UNC5D: variants seen among roughly 807,000 people sequenced by gnomAD.
UNC5D encodes the protein unc-5 netrin receptor D, also known as netrin receptor UNC5D.
UNC5D carries 39 observed loss-of-function variants against 105.4 expected under a neutral mutation model. The ratio of observed to expected loss-of-function variants is 0.37; its 90% confidence interval spans 0.29 to 0.48. The LOEUF (loss-of-function observed/expected upper bound fraction) is 0.48, where lower values mean the gene tolerates loss of function less well. UNC5D is among the 20% of genes least tolerant of loss of function. The pLI is 0.98. For missense variants in UNC5D, 991 were observed against 1,202.4 expected, an observed-to-expected ratio of 0.82 and a Z score of 2.60; for synonymous variants, 452 against 450.4, an observed-to-expected ratio of 1.00 and a Z score of -0.04.
intron 6 of UNC5D, 151 bp from the exon 7 acceptor site, chr8:35,686,394 A>G (rs2131351539): frequency 1.2e-6 from 1 of 842,620 alleles, no homozygotes; most frequent in Non-Finnish European, 1.7e-6. Flanking sequence ...GAAAGAAACC[A>G]TGGAGAGAAG....
intron 16 of UNC5D, among the ~76,000 whole-genome samples, chr8:35,786,825 G>A (rs753467607): frequency 1.3e-5 from 2 of 152,116 alleles, no homozygotes; most frequent in African/African-American, 2.4e-5. Context: ...GCAGAGGAGC[G>A]AGGTCAGCAT....
chr8:35,377,921 C>T (rs1034552238), intron 1 of UNC5D, among the ~76,000 whole-genome samples: 1 of 152,110 alleles, frequency 6.6e-6, no homozygotes, highest in African/African-American at 2.4e-5. Flanking sequence ...GAAGCTCATC[C>T]TTCATTCTCT....
intron 4 of UNC5D, among the ~76,000 whole-genome samples, chr8:35,608,167 C>A (rs1197174619): frequency 6.6e-6 from 1 of 152,152 alleles, no homozygotes; most frequent in Non-Finnish European, 1.5e-5. Context: ...CTACCTCTGG[C>A]ATCATATCAC....
intron 10 of UNC5D, among the ~76,000 whole-genome samples, chr8:35,730,535 C>T (rs1242837366): frequency 6.6e-6 from 1 of 152,162 alleles, no homozygotes; most frequent in African/African-American, 2.4e-5. Context: ...CTTCCAGATG[C>T]ACTACTGGTA....
chr8:35,300,834 A>G (rs1427093138), intron 1 of UNC5D, among the ~76,000 whole-genome samples: 1 of 152,182 alleles, frequency 6.6e-6, no homozygotes, highest in Non-Finnish European at 1.5e-5. Context: ...TATTGAAAAA[A>G]TCAAGTTACA....
At chr8:35,687,138 CTT>C (rs1397351169) in intron 7 of UNC5D, among the ~76,000 whole-genome samples, 1 of 152,142 alleles carries the variant, frequency 6.6e-6, no homozygotes, top group African/African-American at 2.4e-5. Flanking sequence ...AGGAACATGT[CTT>C]ATTACTGTTA....
intron 4 of UNC5D, among the ~76,000 whole-genome samples, chr8:35,608,003 C>A (rs1345222000): frequency 6.6e-6 from 1 of 152,140 alleles, no homozygotes; most frequent in Non-Finnish European, 1.5e-5. Context: ...AGCCATTAGA[C>A]TATGGCTGAC....
Position 35,734,013 on chromosome 8 carries a change from C to A in UNC5D, c.1766+2917C>A, listed in dbSNP as rs533671471. Among the ~76,000 whole-genome samples, 213 of 151,998 alleles carry A rather than the reference C, an allele frequency of 1.4e-3. 1 individual carries two copies. The highest frequency in any genetic ancestry group is 9.1e-3 in the South Asian group (44 of 4,814). On this transcript the variant is annotated intron_variant, in intron 11 of 16. Coordinates refer to ENST00000404895, the MANE Select transcript of UNC5D (RefSeq NM_080872.4). ...TTTTTTTTTCCTCCTTTAAAGTCAC[C>A]CTGATGCCAGAACATTGCATTCAAC...
chr8:35,753,330 G>A (rs533015059), intron 13 of UNC5D, among the ~76,000 whole-genome samples: 5 of 152,054 alleles, frequency 3.3e-5, no homozygotes, highest in South Asian at 2.1e-4. Flanking sequence ...GTGCAGTGGC[G>A]TGATCTCAGC....
chr8:35,399,505 C>T (rs936254707), intron 1 of UNC5D, among the ~76,000 whole-genome samples: 1 of 152,080 alleles, frequency 6.6e-6, no homozygotes, highest in South Asian at 2.1e-4. Flanking sequence ...AGTTTGTCAA[C>T]TTTCAAGCCA....
chr8:35,759,491 A>G (rs1216294042), intron 14 of UNC5D, 22 bp downstream of exon 14: 1 of 1,600,384 alleles, frequency 6.2e-7, no homozygotes, highest in African/African-American at 1.4e-5. Context: ...ATGGGTTTCT[A>G]ACAGAAACGG....
chr8:35,520,154 G>A (rs1813367319), intron 1 of UNC5D, among the ~76,000 whole-genome samples: 1 of 152,060 alleles, frequency 6.6e-6, no homozygotes, highest in African/African-American at 2.4e-5. Context: ...TAGATAAAAT[G>A]TCCCAAATGC....
chr8:35,241,096 G>T (rs1008328958), intron 1 of UNC5D, among the ~76,000 whole-genome samples: 13 of 152,172 alleles, frequency 8.5e-5, no homozygotes, highest in Non-Finnish European at 1.3e-4. Context: ...AGAATAGATT[G>T]TTAACACCAG....
chr8:35,648,399 C>T (rs1448864097), intron 4 of UNC5D, among the ~76,000 whole-genome samples: 1 of 152,092 alleles, frequency 6.6e-6, no homozygotes, highest in Non-Finnish European at 1.5e-5. Context: ...TTATCTCTGG[C>T]AGTACGTGGT....
intron 1 of UNC5D, among the ~76,000 whole-genome samples, chr8:35,387,953 G>GAA (rs1445512996): frequency 2.6e-5 from 4 of 152,130 alleles, no homozygotes; most frequent in Non-Finnish European, 5.9e-5. Flanking sequence ...TAATAAAGAA[G>GAA]AAAAATAATA....
At chr8:35,299,596 C>A (rs1480825298) in intron 1 of UNC5D, among the ~76,000 whole-genome samples, 1 of 152,146 alleles carries the variant, frequency 6.6e-6, no homozygotes, top group Non-Finnish European at 1.5e-5. Context: ...TGACACAGCT[C>A]TTCTGGAGGA....
At chr8:35,242,158 A>G (rs1802842887) in intron 1 of UNC5D, among the ~76,000 whole-genome samples, 1 of 152,178 alleles carries the variant, frequency 6.6e-6, no homozygotes, top group African/African-American at 2.4e-5. Flanking sequence ...ACTCCAGCCC[A>G]CATTGTATTT....
At chr8:35,343,912 C>T (rs905779831) in intron 1 of UNC5D, among the ~76,000 whole-genome samples, 16 of 152,192 alleles carry the variant, frequency 1.1e-4, no homozygotes, top group Middle Eastern at 3.4e-3. Context: ...TTAACCTATA[C>T]GAGAATGTCT....
intron 1 of UNC5D, among the ~76,000 whole-genome samples, chr8:35,404,925 G>A (rs886719925): frequency 6.6e-6 from 1 of 152,106 alleles, no homozygotes; most frequent in Non-Finnish European, 1.5e-5. Flanking sequence ...AGTTGGAGAA[G>A]CATTGGTCTG....
Sources: gnomAD v4.1 joint callset for allele counts (sites outside exome capture counted in the v4.1 genomes callset) on GRCh38, gnomAD v4.1.1 for gene constraint, MANE v1.5 for transcripts, NCBI Gene and HGNC (gene_info 2026-07-23, HGNC 2026-07-21) for gene names.